Variants in NOTCH2NLC observed in about 807,000 individuals in gnomAD.
NOTCH2NLC encodes the protein notch 2 N-terminal like C, also known as notch homolog 2 N-terminal-like protein C.
Under a neutral mutation model 17.7 loss-of-function variants are expected in NOTCH2NLC, and 4 were observed. The ratio of observed to expected loss-of-function variants is 0.23; its 90% CI spans 0.11 to 0.52. The LOEUF (loss-of-function observed/expected upper bound fraction) is 0.52. Ranked by LOEUF, NOTCH2NLC falls within the 20% of genes least tolerant of loss-of-function variation. NOTCH2NLC has a pLI of 0.96. For missense variants in NOTCH2NLC, 57 were observed against 207.2 expected (o/e 0.28, Z 4.45); for synonymous variants, 18 against 86.0 (o/e 0.21, Z 4.38).
chr1:149,436,746 G>A (rs2084484830), intron 2 of NOTCH2NLC, among the ~76,000 whole-genome samples: 1 of 149,870 alleles, frequency 6.7e-6, no homozygotes, highest in African/African-American at 2.5e-5. Flanking sequence ...TGCCAGCCTA[G>A]TTCCTTCAAG....
At chr1:149,395,942 C>A (rs1347564762) in intron 1 of NOTCH2NLC, among the ~76,000 whole-genome samples, 1 of 149,772 alleles carries the variant, frequency 6.7e-6, no homozygotes, top group Non-Finnish European at 1.5e-5. Flanking sequence ...TGATTTTGAT[C>A]CTTGAGGGCC....
At position 149,466,277 on chromosome 1, in the gene NOTCH2NLC, G is replaced by GTATATATATATATATA. The variant is rs1184842539; in HGVS notation, c.*2139_*2140insATATATATATATATAT. The GTATATATATATATATA allele has an allele frequency of 7.9e-4, 113 of 142,526 alleles. 1 individual carries two copies. Among genetic ancestry groups the GTATATATATATATATA allele is most frequent in the African/African-American group, 2.7e-3 (102 of 37,898 alleles). 8.8% of individuals were successfully genotyped at this position (142,526 alleles called of 1,614,324 possible). The stretch of plus-strand genomic sequence containing the variant: ...GTGTGTGTGTGTGTGTGTGTGTGTG[G>GTATATATATATATATA]TATATATATATATATCGCATTGTGC... On this transcript the variant is annotated 3_prime_UTR_variant, in exon 5 of 5. Coordinates refer to ENST00000650865, the MANE Select transcript of NOTCH2NLC (RefSeq NM_001364013.2).
intron 1 of NOTCH2NLC, among the ~76,000 whole-genome samples, chr1:149,401,980 C>T (rs1429837099): frequency 1.9e-4 from 26 of 137,058 alleles, no homozygotes; most frequent in Non-Finnish European, 2.9e-4. Context: ...TCCTCACAAA[C>T]TTGGTGGAAA....
intron 1 of NOTCH2NLC, among the ~76,000 whole-genome samples, chr1:149,398,686 C>T (rs1475292219): frequency 4.0e-5 from 6 of 151,170 alleles, no homozygotes; most frequent in Admixed American, 2.6e-4. Flanking sequence ...CCAGCTACGT[C>T]GCTCCAGCCA....
Position 149,454,788 on chromosome 1 carries a change from A to T in NOTCH2NLC, c.210-530A>T, listed in dbSNP as rs2084607547. Among the ~76,000 whole-genome samples, 2 of 150,168 alleles carry T rather than the reference A, an allele frequency of 1.3e-5. 1 individual carries two copies. The highest frequency in any genetic ancestry group is 3.0e-5 in the Non-Finnish European group (2 of 67,430). The stretch of plus-strand genomic sequence containing the variant: ...CAATTGATGTTTCAGTGGAAATAAG[A>T]GAAAGAAGCACTTACTATTTCTCAA... On this transcript the variant is annotated intron_variant, in intron 2 of 4. Transcript: ENST00000650865.
chr1:149,456,164 TA>T (rs1398978716), intron 3 of NOTCH2NLC, among the ~76,000 whole-genome samples: 2 of 100,818 alleles, frequency 2.0e-5, no homozygotes, highest in Admixed American at 1.0e-4. Context: ...TTTACTTCAC[TA>T]AAAGAAATAA....
chr1:149,457,614 C>T (rs1570920693), intron 3 of NOTCH2NLC, among the ~76,000 whole-genome samples: 1 of 150,420 alleles, frequency 6.6e-6, no homozygotes, highest in Admixed American at 6.7e-5. Flanking sequence ...AGGCTGTCTG[C>T]AGGCTGAGGA....
intron 3 of NOTCH2NLC, among the ~76,000 whole-genome samples, chr1:149,457,692 A>T (rs1238128505): frequency 1.4e-5 from 2 of 147,228 alleles, no homozygotes; most frequent in Non-Finnish European, 3.0e-5. Context: ...GGCAGGAAAC[A>T]TCCAGCACGG....
rs1249206986 is a variant in NOTCH2NLC, at chr1:149,412,135, A to C, written c.136-18807A>C. 7.1e-3 allele frequency among the ~76,000 whole-genome samples: 1,045 copies of C among 147,296 alleles called. 14 individuals are homozygous for C. The highest frequency in any genetic ancestry group is 0.025 in the African/African-American group (979 of 39,934). The stretch of plus-strand genomic sequence containing the variant: ...TGTCTCCAAAAAAAAAAAAAACAAA[A>C]AAAAAACAAAAAAAAGTGGTATTGG... On this transcript the variant is annotated intron_variant, in intron 1 of 4. Coordinates refer to ENST00000650865, the MANE Select transcript of NOTCH2NLC (RefSeq NM_001364013.2).
chr1:149,462,460 A>C (rs2084655569), intron 3 of NOTCH2NLC, among the ~76,000 whole-genome samples: 1 of 134,900 alleles, frequency 7.4e-6, no homozygotes, highest in Middle Eastern at 3.7e-3. Context: ...ATCATTTTCA[A>C]ACACATCAAC....
At chr1:149,423,252 T>G (rs1275687870) in intron 1 of NOTCH2NLC, among the ~76,000 whole-genome samples, 2 of 150,708 alleles carry the variant, frequency 1.3e-5, no homozygotes, top group African/African-American at 4.9e-5. Flanking sequence ...TTTTTGGGTT[T>G]TTTTTTTCCT....
intron 1 of NOTCH2NLC, among the ~76,000 whole-genome samples, chr1:149,421,476 G>A (rs1214686921): frequency 3.5e-5 from 5 of 141,832 alleles, no homozygotes; most frequent in African/African-American, 1.1e-4. Flanking sequence ...TCCAGCCTGG[G>A]TGACAGAGCG....
rs1486175306 is a variant in NOTCH2NLC at position 149,419,524 on chromosome 1, T to C, written c.136-11418T>C. ...AACCAAATTGTGACTGTTAGTGTGT[T>C]GAGCTGCTTTTTTATTAAAATGACT... On this transcript the variant is annotated intron_variant, in intron 1 of 4. Transcript: ENST00000650865. 5.3e-5 allele frequency among the ~76,000 whole-genome samples: 8 copies of C among 150,718 alleles called. 1 individual carries two copies. Among genetic ancestry groups the C allele is most frequent in the Non-Finnish European group, 1.0e-4 (7 of 67,544 alleles).
Position 149,471,194 on chromosome 1 carries a change from A to C in NOTCH2NLC, c.*7041A>C, listed in dbSNP as rs1326448083. Among the ~76,000 whole-genome samples the C allele has an allele frequency of 6.6e-6, 1 of 151,094 alleles. No homozygotes were observed. Among genetic ancestry groups the C allele is most frequent in the Non-Finnish European group, 1.5e-5 (1 of 67,596 alleles). On this transcript the variant is annotated 3_prime_UTR_variant, in exon 5 of 5. Coordinates refer to ENST00000650865, the MANE Select transcript of NOTCH2NLC (RefSeq NM_001364013.2). ...TATCTTTTTAATATTGAACTGTAAT[A>C]GTTTTAAAAAAATATATCCTAAATA...
intron 1 of NOTCH2NLC, among the ~76,000 whole-genome samples, chr1:149,419,906 G>T (rs1336389755): frequency 8.8e-6 from 1 of 113,082 alleles, no homozygotes; most frequent in Non-Finnish European, 1.7e-5. Flanking sequence ...TTGCTGTGTC[G>T]CCCAGGCTGG....
At chr1:149,409,244 C>G (rs2084285141) in intron 1 of NOTCH2NLC, 1 of 149,928 alleles carries the variant, frequency 6.7e-6, no homozygotes, top group African/African-American at 2.5e-5. Flanking sequence ...ATATTTATGG[C>G]TTTGGTAATA....
At chr1:149,424,411 G>GC (rs1230848842) in intron 1 of NOTCH2NLC, among the ~76,000 whole-genome samples, 12 of 150,064 alleles carry the variant, frequency 8.0e-5, no homozygotes, top group Non-Finnish European at 1.5e-5. Flanking sequence ...CATTCTCTCT[G>GC]CCCCTACTCC....
chr1:149,421,373 C>A lies in NOTCH2NLC; in HGVS notation c.136-9569C>A, dbSNP rs1261710528. On this transcript the variant is annotated intron_variant, in intron 1 of 4. Transcript: ENST00000650865. ...AATTAGCCGGATATGGTGGCGGGCA[C>A]CTATAGTCCCAGCTACTCGGGAGGC... 8.7e-5 allele frequency among the ~76,000 whole-genome samples: 13 copies of A among 149,554 alleles called. 2 individuals carry two copies. The highest frequency in any genetic ancestry group is 4.0e-4 in the Admixed American group (6 of 14,946).
At chr1:149,419,855 A>ATTTT (rs1166865199) in intron 1 of NOTCH2NLC, among the ~76,000 whole-genome samples, 62 of 78,196 alleles carry the variant, frequency 7.9e-4, no homozygotes, top group Non-Finnish European at 9.6e-4. Flanking sequence ...ATATATATAT[A>ATTTT]TTTTTTTTTT....
Sources: gnomAD v4.1 joint callset for allele counts (sites outside exome capture counted in the v4.1 genomes callset) on GRCh38, gnomAD v4.1.1 for gene constraint, MANE v1.5 for transcripts, NCBI Gene and HGNC (gene_info 2026-07-23, HGNC 2026-07-21) for gene names.